The following ZNF44 variants were observed in gnomAD, a reference collection of about 807,000 sequenced individuals.
The protein encoded by ZNF44 is gonadotropin inducible transcription repressor-2.
ZNF44 carries 9 observed loss-of-function variants against 11.7 expected under a neutral mutation model. The ratio of observed to expected loss-of-function variants is 0.77; its 90% CI spans 0.46 to 1.35. The LOEUF is 1.35. Ranked by LOEUF, ZNF44 falls within the 40% of genes most tolerant of loss-of-function variation. ZNF44 has a pLI of 0.00. For synonymous variants in ZNF44, 224 were observed against 242.7 expected (o/e 0.92, Z 0.72); for missense variants, 696 against 743.1 (o/e 0.94, Z 0.74).
Position 12,273,162 on chromosome 19 carries a change from A to C in ZNF44, c.1093T>G (p.Tyr365Asp). 1 of 1,613,894 alleles carries C rather than the reference A, an allele frequency of 6.2e-7. No homozygotes were observed. The highest frequency in any genetic ancestry group is 8.5e-7 in the Non-Finnish European group (1 of 1,179,784). ...AATTTCCCACATTGCTTACATTCAT[A>C]GGGTTTCTCTAGAGTGTGAGTTCCT... The part of the protein sequence containing the change: ...HEGTHTLEKP[Y>D]ECKQCGKLLS... Residue 365 changes from tyrosine to aspartate, a missense_variant, in exon 4 of 4, where the codon TAT becomes GAT. Physicochemically the swap from Tyr to Asp is radical, Grantham distance 160 (BLOSUM62 -3). Coordinates refer to ENST00000355684, the MANE Select transcript of ZNF44 (RefSeq NM_016264.4).
chr19:12,245,875 G>A (rs748043008), downstream of ZNF44, among the ~76,000 whole-genome samples: 3 of 152,102 alleles, frequency 2.0e-5, no homozygotes, highest in Admixed American at 6.6e-5. Context: ...AGGGGACTGC[G>A]TGGACACCGG....
chr19:12,274,093 G>A (rs199920521), intron 3 of ZNF44, 30 bp from the exon 4 acceptor site: 2 of 1,525,796 alleles, frequency 1.3e-6, no homozygotes, highest in Non-Finnish European at 1.8e-6. Flanking sequence ...CATTACTAAA[G>A]GTTTATTATT....
At chr19:12,294,093 C>A (rs980627692) in intron 1 of ZNF44, among the ~76,000 whole-genome samples, 1 of 152,162 alleles carries the variant, frequency 6.6e-6, no homozygotes, top group Non-Finnish European at 1.5e-5. Context: ...GCTCAAGAGT[C>A]GTCTAAGTTC....
intron 1 of ZNF44, among the ~76,000 whole-genome samples, chr19:12,280,329 C>T (rs940715580): frequency 1.3e-5 from 2 of 152,150 alleles, no homozygotes; most frequent in East Asian, 1.9e-4. Context: ...GTCTATCACA[C>T]TTCGGAACTG....
intron 1 of ZNF44, among the ~76,000 whole-genome samples, chr19:12,235,941 A>G (rs533169253): frequency 2.1e-4 from 32 of 152,328 alleles, no homozygotes; most frequent in South Asian, 6.2e-4. Flanking sequence ...GGGAAGATAA[A>G]AGGAGGAGAG....
downstream of ZNF44, among the ~76,000 whole-genome samples, chr19:12,268,147 C>CACACACAG (rs893055093): frequency 3.9e-5 from 3 of 76,738 alleles, no homozygotes; most frequent in African/African-American, 1.2e-4. Flanking sequence ...CACACACAGA[C>CACACACAG]ACACACACAC....
At chr19:12,235,714 G>T (rs1443571338) in intron 1 of ZNF44, among the ~76,000 whole-genome samples, 1 of 152,160 alleles carries the variant, frequency 6.6e-6, no homozygotes, top group African/African-American at 2.4e-5. Flanking sequence ...CACTTTGAGA[G>T]GCTGAAAAGA....
In ZNF44 at chr19:12,249,487, CA is replaced by C. The variant is rs1400357244; in HGVS notation, c.*186+490del. ...CGCCACTGCACTCCAGCTTGGGCGA[CA>C]GAGCAAGACTCCGTCTCAGAAAAAA... On this transcript the variant is annotated intron_variant and NMD_transcript_variant, in intron 7 of 7. Coordinates refer to the ZNF44 transcript ENST00000393337. 2.3e-5 allele frequency among the ~76,000 whole-genome samples: 3 copies of C among 129,634 alleles called. No homozygotes were observed. In the Admixed American group the frequency reaches 2.6e-4, roughly 11 times the overall value. The allele number at this position is 129,634 out of a possible 152,430, so 85.0% of individuals were successfully genotyped here. A position where few individuals can be genotyped will look rare whatever the true frequency, so the allele number is the denominator to read the frequency against.
At chr19:12,240,467 G>GA (rs1866294171), upstream of ZNF44, among the ~76,000 whole-genome samples, 1 of 133,666 alleles carries the variant, frequency 7.5e-6, no homozygotes, top group Non-Finnish European at 1.6e-5. Flanking sequence ...AAAAAAACTA[G>GA]AAAAAATCAA....
chr19:12,231,663 A>G (rs530313178), intron 2 of ZNF44, among the ~76,000 whole-genome samples: 2 of 152,340 alleles, frequency 1.3e-5, no homozygotes, highest in South Asian at 4.1e-4. Flanking sequence ...TAGGCCAGCT[A>G]ATTTGTGGAC....
chr19:12,235,246 G>A (rs1268930473), intron 1 of ZNF44, among the ~76,000 whole-genome samples: 1 of 152,176 alleles, frequency 6.6e-6, no homozygotes, highest in Non-Finnish European at 1.5e-5. Flanking sequence ...GCAGGCGCCT[G>A]TAGTCCCAGC....
intron 5 of ZNF44, among the ~76,000 whole-genome samples, chr19:12,255,184 T>C (rs1917194677): frequency 6.6e-6 from 1 of 151,442 alleles, no homozygotes; most frequent in Non-Finnish European, 1.5e-5. Context: ...AGTATGCTAC[T>C]GAACATATAC....
At chr19:12,287,017 T>TTATATA (rs200433952) in intron 1 of ZNF44, among the ~76,000 whole-genome samples, 1 of 146,676 alleles carries the variant, frequency 6.8e-6, no homozygotes, top group Non-Finnish European at 1.5e-5. Flanking sequence ...TGCATTCCTT[T>TTATATA]TATATATATA....
chr19:12,248,370 A>G (rs1232880607), exon 8 of ZNF44: 2 of 1,291,610 alleles, frequency 1.5e-6, no homozygotes, highest in African/African-American at 3.0e-5. Flanking sequence ...TTTGTAGACT[A>G]TCCCTGCACT....
chr19:12,242,569 T>C (rs1916656125), upstream of ZNF44: 1 of 139,684 alleles, frequency 7.2e-6, no homozygotes, highest in Admixed American at 7.8e-5. Context: ...ACACCTGTAA[T>C]CCCAGCACTT....
At position 12,272,444 on chromosome 19, in the gene ZNF44, T is replaced by C. The variant is rs1164459983; in HGVS notation, c.1811A>G (p.Asn604Ser). Residue 604 changes from asparagine to serine, a missense_variant, in exon 4 of 4, where the codon AAT becomes AGT. Transcript: ENST00000355684. ...CTTCCAGTGTGTCCTTTTATGTCTATTAAAGGAACTGAGAGAACTGAAGGC... is the reference window on the plus strand; with the variant it reads ...CTTCCAGTGTGTCCTTTTATGTCTACTAAAGGAACTGAGAGAACTGAAGGC... ...GKAFSSLSSF[N>S]RHKRTHWKDI... 6.3e-7 allele frequency: 1 copy of C among 1,579,342 alleles called. No homozygotes were observed. The highest frequency in any genetic ancestry group is 8.6e-7 in the Non-Finnish European group (1 of 1,166,856).
At chr19:12,250,289 A>C (rs759314406) in exon 6 of ZNF44, 1 of 1,366,662 alleles carries the variant, frequency 7.3e-7, no homozygotes, top group Non-Finnish European at 9.8e-7. Context: ...GTCTCTGTAG[A>C]GTTTTTTCTG....
chr19:12,235,725 T>C (rs1178643305), intron 1 of ZNF44, among the ~76,000 whole-genome samples: 1 of 152,126 alleles, frequency 6.6e-6, no homozygotes, highest in Non-Finnish European at 1.5e-5. Context: ...GCTGAAAAGA[T>C]TGCTTGAGCC....
At chr19:12,266,315 G>C in intron 5 of ZNF44, 1 of 985,374 alleles carries the variant, frequency 1.0e-6, no homozygotes, top group South Asian at 4.7e-5. Flanking sequence ...CCTCCTGATG[G>C]CTCTCCTGGC....
Sources: gnomAD v4.1 joint callset for allele counts (sites outside exome capture counted in the v4.1 genomes callset) on GRCh38, gnomAD v4.1.1 for gene constraint, MANE v1.5 for transcripts, NCBI Gene and HGNC (gene_info 2026-07-23, HGNC 2026-07-21) for gene names.